Variants in CBFA2T2 observed in about 807,000 individuals in gnomAD.
The protein encoded by CBFA2T2 is CBFA2/RUNX1 partner transcriptional co-repressor 2.
In CBFA2T2, 11 loss-of-function variants were observed where a neutral mutation model predicts 62.2. The observed-to-expected ratio is 0.18, with a 90% CI of 0.11 to 0.29. The LOEUF (loss-of-function observed/expected upper bound fraction) is 0.29. Among genes scored for constraint, CBFA2T2 ranks in the 10% least tolerant of loss-of-function variants. CBFA2T2 has a pLI of 1.00. For synonymous variants in CBFA2T2, 295 were observed against 287.5 expected, an observed-to-expected ratio of 1.03 and a Z score of -0.27; for missense variants, 592 against 774.1, an observed-to-expected ratio of 0.76 and a Z score of 2.79.
chr20:33,625,975 A>G (rs1293202431), intron 6 of CBFA2T2, among the ~76,000 whole-genome samples: 2 of 152,060 alleles, frequency 1.3e-5, no homozygotes, highest in African/African-American at 4.8e-5. Flanking sequence ...GGTGGTGGGC[A>G]CCTGTAGTCC....
At chr20:33,571,952 A>G (rs192388439) in intron 1 of CBFA2T2, among the ~76,000 whole-genome samples, 1 of 152,282 alleles carries the variant, frequency 6.6e-6, no homozygotes, top group African/African-American at 2.4e-5. Flanking sequence ...GTGCAGTGGC[A>G]CAATCCCGGC....
chr20:33,608,479 A>C (rs2015413842), intron 2 of CBFA2T2, among the ~76,000 whole-genome samples: 1 of 152,224 alleles, frequency 6.6e-6, no homozygotes, highest in Admixed American at 6.5e-5. Context: ...GAAGTTTATT[A>C]TTTTCCAAAA....
At chr20:33,640,756 TAG>T (rs958222774) in intron 10 of CBFA2T2, among the ~76,000 whole-genome samples, 6 of 151,110 alleles carry the variant, frequency 4.0e-5, no homozygotes, top group Middle Eastern at 3.4e-3. Flanking sequence ...CATATATATA[TAG>T]AGAGAGAGAG....
chr20:33,581,793 A>T (rs2146914589), intron 1 of CBFA2T2, among the ~76,000 whole-genome samples: 1 of 152,298 alleles, frequency 6.6e-6, no homozygotes, highest in East Asian at 1.9e-4. Context: ...AGAATTTGCA[A>T]ATCAGTGAAC....
At chr20:33,560,939 A>T (rs1158791161) in intron 1 of CBFA2T2, among the ~76,000 whole-genome samples, 1 of 151,960 alleles carries the variant, frequency 6.6e-6, no homozygotes. Context: ...GTGCAGTGGC[A>T]TGATCTCAGC....
chr20:33,642,116 T>TTGTGTGTGTGTGTG (rs869240464), intron 10 of CBFA2T2, among the ~76,000 whole-genome samples: 9 of 59,066 alleles, frequency 1.5e-4, no homozygotes, highest in South Asian at 6.6e-4. Flanking sequence ...TTTTTTTTTT[T>TTGTGTGTGTGTGTG]TGTGTGTGTG....
At chr20:33,576,616 T>C (rs1431536580) in intron 1 of CBFA2T2, among the ~76,000 whole-genome samples, 2 of 152,196 alleles carry the variant, frequency 1.3e-5, no homozygotes, top group Non-Finnish European at 2.9e-5. Context: ...TTGCAAAGGG[T>C]GCTGCCCAAC....
chr20:33,529,229 G>A (rs1018693567), intron 1 of CBFA2T2, among the ~76,000 whole-genome samples: 1 of 151,890 alleles, frequency 6.6e-6, no homozygotes, highest in African/African-American at 2.4e-5. Flanking sequence ...GTTTCACTGT[G>A]TTAGCCAGGA....
chr20:33,642,719 A>G (rs1276109108), intron 10 of CBFA2T2, among the ~76,000 whole-genome samples: 1 of 152,182 alleles, frequency 6.6e-6, no homozygotes, highest in Non-Finnish European at 1.5e-5. Context: ...TTAACTGTGT[A>G]TGTATAGCCA....
chr20:33,532,782 G>C (rs2146870966), intron 1 of CBFA2T2, among the ~76,000 whole-genome samples: 1 of 152,302 alleles, frequency 6.6e-6, no homozygotes, highest in South Asian at 2.1e-4. Flanking sequence ...AGGCCTAGGG[G>C]AATGTTCCAC....
intron 1 of CBFA2T2, among the ~76,000 whole-genome samples, chr20:33,553,618 G>T (rs954210911): frequency 6.6e-6 from 1 of 152,178 alleles, no homozygotes; most frequent in African/African-American, 2.4e-5. Flanking sequence ...TGCTAATGCG[G>T]CAGGAAAGCA....
At chr20:33,617,140 G>A (rs1041696219) in intron 3 of CBFA2T2, among the ~76,000 whole-genome samples, 2 of 152,106 alleles carry the variant, frequency 1.3e-5, no homozygotes. Context: ...GGAGGCCAAG[G>A]TGGGCGGATC....
intron 1 of CBFA2T2, among the ~76,000 whole-genome samples, chr20:33,524,763 A>AT (rs1347881432): frequency 2.6e-5 from 4 of 152,168 alleles, no homozygotes; most frequent in Non-Finnish European, 5.9e-5. Flanking sequence ...GGTAAGGTAT[A>AT]TTTTTTTGGT....
At chr20:33,619,877 G>A (rs1044383486) in intron 4 of CBFA2T2, among the ~76,000 whole-genome samples, 2 of 152,206 alleles carry the variant, frequency 1.3e-5, no homozygotes, top group Admixed American at 1.3e-4. Flanking sequence ...TGGGCTGGAA[G>A]TGTGAAAGTG....
intron 3 of CBFA2T2, 109 bp downstream of exon 3, chr20:33,611,444 C>T: frequency 7.9e-7 from 1 of 1,259,370 alleles, no homozygotes; most frequent in Non-Finnish European, 1.1e-6. Context: ...GGTCATATGG[C>T]AAATGCTACA....
chr20:33,592,828 T>C (rs2014722516), intron 1 of CBFA2T2, among the ~76,000 whole-genome samples: 1 of 152,176 alleles, frequency 6.6e-6, no homozygotes, highest in Non-Finnish European at 1.5e-5. Context: ...TGAGTTGTAG[T>C]GCATATAAGG....
intron 1 of CBFA2T2, among the ~76,000 whole-genome samples, chr20:33,584,151 G>A (rs2014254121): frequency 6.6e-6 from 1 of 151,958 alleles, no homozygotes; most frequent in African/African-American, 2.4e-5. Flanking sequence ...GTTTTGCCAT[G>A]TTGTCCAGGC....
At chr20:33,524,846 G>A (rs1351104372) in intron 1 of CBFA2T2, among the ~76,000 whole-genome samples, 3 of 151,720 alleles carry the variant, frequency 2.0e-5, no homozygotes, top group African/African-American at 7.3e-5. Flanking sequence ...GCTTTTTTTT[G>A]TTGTTGAGAT....
chr20:33,558,684 G>A (rs573217904), intron 1 of CBFA2T2, among the ~76,000 whole-genome samples: 4 of 152,020 alleles, frequency 2.6e-5, no homozygotes, highest in Non-Finnish European at 4.4e-5. Flanking sequence ...GGTGTCTCTC[G>A]TTTTATAATA....
Sources: allele counts gnomAD v4.1 joint callset (sites outside exome capture counted in the v4.1 genomes callset), GRCh38; gene constraint gnomAD v4.1.1; transcripts MANE v1.5; gene names NCBI Gene and HGNC (gene_info 2026-07-23, HGNC 2026-07-21).